GALNTL6: variants seen among roughly 807,000 people sequenced by gnomAD.
GALNTL6 encodes polypeptide N-acetylgalactosaminyltransferase-like 6.
Under a neutral mutation model 73.7 loss-of-function variants are expected in GALNTL6, and 46 were observed. That is an observed-to-expected ratio of 0.62 (90% CI 0.49 to 0.80). GALNTL6 has a LOEUF of 0.80. Ranked by LOEUF, GALNTL6 falls within the 30% of genes least tolerant of loss-of-function variation. GALNTL6 has a pLI of 0.00. For synonymous variants in GALNTL6, 259 were observed against 263.7 expected, an observed-to-expected ratio of 0.98 and a Z score of 0.17; for missense variants, 604 against 755.0, an observed-to-expected ratio of 0.80 and a Z score of 2.34.
chr4:171,843,157 T>G (rs187549638), intron 2 of GALNTL6, among the ~76,000 whole-genome samples: 13 of 152,260 alleles, frequency 8.5e-5, no homozygotes, highest in African/African-American at 2.9e-4. Flanking sequence ...TTAATGGTTT[T>G]TTATGCTAAA....
chr4:172,609,664 T>TGA (rs1738448104), intron 5 of GALNTL6, among the ~76,000 whole-genome samples: 1 of 151,082 alleles, frequency 6.6e-6, no homozygotes, highest in African/African-American at 2.4e-5. Context: ...TGTGTGTGTG[T>TGA]GTCTGCCAGG....
At chr4:172,251,873 C>A (rs994308327) in intron 3 of GALNTL6, among the ~76,000 whole-genome samples, 3 of 151,944 alleles carry the variant, frequency 2.0e-5, no homozygotes, top group Admixed American at 1.3e-4. Context: ...CCACAACAGC[C>A]AAAAAGCATC....
chr4:172,389,216 A>C (rs1289634988), intron 5 of GALNTL6, among the ~76,000 whole-genome samples: 2 of 152,032 alleles, frequency 1.3e-5, no homozygotes, highest in East Asian at 3.8e-4. Context: ...AGTAATAATT[A>C]ATTTATTAAA....
chr4:172,807,979 C>T (rs1378620223), intron 5 of GALNTL6, among the ~76,000 whole-genome samples: 2 of 152,114 alleles, frequency 1.3e-5, no homozygotes, highest in South Asian at 2.1e-4. Flanking sequence ...CCTGCCACCA[C>T]GCCTAGCTAA....
intron 7 of GALNTL6, among the ~76,000 whole-genome samples, chr4:172,862,534 T>G (rs28525171): frequency 7.2e-5 from 11 of 151,904 alleles, no homozygotes; most frequent in African/African-American, 2.7e-4. Flanking sequence ...CTCATCTCTA[T>G]CAAAAATACA....
intron 2 of GALNTL6, among the ~76,000 whole-genome samples, chr4:171,952,077 TTA>T (rs1738901483): frequency 6.6e-6 from 1 of 151,966 alleles, no homozygotes; most frequent in Non-Finnish European, 1.5e-5. Flanking sequence ...AGTAACTAAT[TTA>T]AAGAGTTTGC....
chr4:172,870,934 T>C (rs905931992), intron 7 of GALNTL6, among the ~76,000 whole-genome samples: 1 of 152,216 alleles, frequency 6.6e-6, no homozygotes, highest in Non-Finnish European at 1.5e-5. Context: ...CAATTGAGGG[T>C]ACAGTTTCAT....
chr4:172,113,278 A>G (rs1732904543), intron 2 of GALNTL6, among the ~76,000 whole-genome samples: 1 of 152,024 alleles, frequency 6.6e-6, no homozygotes, highest in Non-Finnish European at 1.5e-5. Context: ...ATATTATTTA[A>G]TCTATCAGTG....
intron 2 of GALNTL6, among the ~76,000 whole-genome samples, chr4:171,887,275 T>A (rs1449926407): frequency 1.3e-5 from 2 of 151,574 alleles, no homozygotes; most frequent in Non-Finnish European, 2.9e-5. Context: ...TCAACAAGGG[T>A]TTTGGAGGAA....
chr4:172,348,796 G>A, intron 5 of GALNTL6, 107 bp downstream of exon 5: 2 of 671,500 alleles, frequency 3.0e-6, no homozygotes, highest in Non-Finnish European at 4.6e-6. Flanking sequence ...CCATCTGAAA[G>A]GTGATTATGA....
chr4:172,962,820 A>G (rs980387552), intron 10 of GALNTL6, among the ~76,000 whole-genome samples: 1 of 152,166 alleles, frequency 6.6e-6, no homozygotes, highest in Non-Finnish European at 1.5e-5. Flanking sequence ...GTTACAGACC[A>G]TAAACAGCCT....
chr4:172,905,255 C>A (rs940078110), intron 8 of GALNTL6, among the ~76,000 whole-genome samples: 1 of 152,072 alleles, frequency 6.6e-6, no homozygotes, highest in African/African-American at 2.4e-5. Context: ...AAACCATTAA[C>A]CTAATTTATT....
chr4:172,966,009 T>C (rs1030779991), intron 10 of GALNTL6, among the ~76,000 whole-genome samples: 5 of 152,206 alleles, frequency 3.3e-5, no homozygotes, highest in Non-Finnish European at 7.3e-5. Context: ...AGAATTTAAA[T>C]AGAATGAATA....
intron 5 of GALNTL6, among the ~76,000 whole-genome samples, chr4:172,537,951 T>G (rs1227161405): frequency 6.6e-6 from 1 of 152,154 alleles, no homozygotes; most frequent in Non-Finnish European, 1.5e-5. Flanking sequence ...ATGAACTTAT[T>G]TGGAGGTGAG....
chr4:172,994,392 G>A (rs1751683932), intron 10 of GALNTL6, among the ~76,000 whole-genome samples: 1 of 152,234 alleles, frequency 6.6e-6, no homozygotes, highest in Non-Finnish European at 1.5e-5. Context: ...TTTAGAGCAG[G>A]AGTTAAGAAA....
At chr4:172,825,125 TCTTTCTTC>T (rs1742189886) in intron 7 of GALNTL6, among the ~76,000 whole-genome samples, 1 of 138,192 alleles carries the variant, frequency 7.2e-6, no homozygotes, top group African/African-American at 2.7e-5. Flanking sequence ...TTTCTTTCTT[TCTTTCTTC>T]CTTTCTTTCC....
At chr4:172,377,590 G>A (rs919224568) in intron 5 of GALNTL6, among the ~76,000 whole-genome samples, 5 of 152,160 alleles carry the variant, frequency 3.3e-5, no homozygotes, top group Non-Finnish European at 4.4e-5. Flanking sequence ...AGCAGGGGCC[G>A]GTGCCCATCA....
intron 2 of GALNTL6, among the ~76,000 whole-genome samples, chr4:171,895,492 C>T (rs149391005): frequency 6.6e-6 from 1 of 152,244 alleles, no homozygotes; most frequent in East Asian, 1.9e-4. Flanking sequence ...AAAGCAGAGT[C>T]AGAGCAGTTT....
chr4:172,710,308 T>C (rs1383422486), intron 5 of GALNTL6, among the ~76,000 whole-genome samples: 1 of 152,172 alleles, frequency 6.6e-6, no homozygotes, highest in African/African-American at 2.4e-5. Context: ...AAAGCAAAGA[T>C]GTGTTAAAAC....
Sources: allele counts gnomAD v4.1 joint callset (sites outside exome capture counted in the v4.1 genomes callset), GRCh38; gene constraint gnomAD v4.1.1; transcripts MANE v1.5; gene names NCBI Gene and HGNC (gene_info 2026-07-23, HGNC 2026-07-21).